The following CDK14 variants were observed in gnomAD, a reference collection of about 807,000 sequenced individuals.
The protein encoded by CDK14 is cyclin dependent kinase 14, also known as cyclin-dependent kinase 14.
Under a neutral mutation model 60.7 loss-of-function variants are expected in CDK14, and 34 were observed. The observed-to-expected ratio is 0.56, with a 90% CI of 0.43 to 0.75. CDK14 has a LOEUF of 0.75. Ranked by LOEUF, CDK14 falls within the 30% of genes least tolerant of loss-of-function variation. The pLI is 0.00. For missense variants in CDK14, 482 were observed against 564.1 expected (o/e 0.85, Z 1.47); for synonymous variants, 197 against 203.7 (o/e 0.97, Z 0.28).
At chr7:90,965,476 A>T (rs1794727910) in intron 9 of CDK14, among the ~76,000 whole-genome samples, 1 of 152,216 alleles carries the variant, frequency 6.6e-6, no homozygotes. Context: ...GTAGACACTA[A>T]TAACACTTAG....
intron 14 of CDK14, among the ~76,000 whole-genome samples, chr7:91,145,207 C>T (rs570320916): frequency 6.6e-6 from 1 of 152,288 alleles, no homozygotes; most frequent in South Asian, 2.1e-4. Flanking sequence ...ATATTGATAA[C>T]CAATGTATGT....
intron 4 of CDK14, among the ~76,000 whole-genome samples, chr7:90,755,002 A>G (rs1290605913): frequency 1.3e-5 from 2 of 152,212 alleles, no homozygotes; most frequent in African/African-American, 4.8e-5. Context: ...GAACGCTTAT[A>G]CACTGCTGGT....
chr7:90,923,962 A>C (rs13227857), intron 8 of CDK14, among the ~76,000 whole-genome samples: 1,716 of 152,380 alleles, frequency 0.011, 19 homozygotes, highest in South Asian at 0.044. Flanking sequence ...AGTAACACTG[A>C]AATGAATCAC....
At chr7:90,906,744 C>A (rs892230722) in intron 7 of CDK14, among the ~76,000 whole-genome samples, 2 of 151,776 alleles carry the variant, frequency 1.3e-5, no homozygotes, top group Admixed American at 6.6e-5. Flanking sequence ...GGTAATGTAT[C>A]CTGGAAGAAT....
At chr7:90,944,312 TCTGCCAAAGGAAC>T (rs977704184) in intron 8 of CDK14, among the ~76,000 whole-genome samples, 1 of 152,174 alleles carries the variant, frequency 6.6e-6, no homozygotes, top group African/African-American at 2.4e-5. Context: ...ACAAGTGCGA[TCTGCCAAAGGAAC>T]CTCTGCTTCA....
At chr7:90,830,807 C>T (rs1425409670) in intron 5 of CDK14, among the ~76,000 whole-genome samples, 3 of 152,194 alleles carry the variant, frequency 2.0e-5, no homozygotes, top group Non-Finnish European at 4.4e-5. Context: ...TATCCTAATT[C>T]ATCTTTCTCA....
intron 8 of CDK14, among the ~76,000 whole-genome samples, chr7:90,920,974 C>G (rs1402025548): frequency 6.6e-6 from 1 of 151,962 alleles, no homozygotes. Flanking sequence ...GTATTTAAAC[C>G]CTTACCTGAG....
In CDK14 at chr7:90,875,528, C is replaced by CT. The variant is rs369561897; in HGVS notation, c.639+12269dup. 7.4e-4 allele frequency among the ~76,000 whole-genome samples: 109 copies of CT among 147,176 alleles called. No homozygotes were observed. The Middle Eastern group carries it at 0.014, about 19-fold the overall frequency. ...CTTGGCAACACTTGTTATTTTCTGC[C>CT]TTTTTTTTTTATTATATTGGATGTT... is the stretch of plus-strand genomic sequence containing the variant. On this transcript the variant is annotated intron_variant, in intron 6 of 14. Coordinates refer to ENST00000380050, the MANE Select transcript of CDK14 (RefSeq NM_001287135.2).
At chr7:90,856,878 G>A (rs570705619) in intron 5 of CDK14, among the ~76,000 whole-genome samples, 1 of 152,200 alleles carries the variant, frequency 6.6e-6, no homozygotes, top group South Asian at 2.1e-4. Context: ...GGTTTCATGA[G>A]TAGTCATTCT....
At chr7:90,753,840 T>C (rs1287825845) in intron 4 of CDK14, among the ~76,000 whole-genome samples, 4 of 152,138 alleles carry the variant, frequency 2.6e-5, no homozygotes, top group South Asian at 4.1e-4. Flanking sequence ...CCAGCAGCAT[T>C]CAAGCTGAGA....
chr7:90,710,452 A>G, intron 2 of CDK14: 3 of 985,070 alleles, frequency 3.0e-6, no homozygotes, highest in Non-Finnish European at 3.6e-6. Context: ...TGAGTAGAAT[A>G]AATATCTCTA....
chr7:91,051,276 G>T (rs1187313806), intron 11 of CDK14, among the ~76,000 whole-genome samples: 1 of 152,120 alleles, frequency 6.6e-6, no homozygotes, highest in African/African-American at 2.4e-5. Context: ...CAACATTGGG[G>T]ATCACATTTC....
At chr7:90,990,471 C>T (rs1468670101) in intron 10 of CDK14, among the ~76,000 whole-genome samples, 1 of 151,994 alleles carries the variant, frequency 6.6e-6, no homozygotes, top group Non-Finnish European at 1.5e-5. Context: ...GAACAAGTAC[C>T]TCTTAATTTG....
intron 7 of CDK14, among the ~76,000 whole-genome samples, chr7:90,911,392 G>C (rs1247186953): frequency 6.6e-6 from 1 of 152,126 alleles, no homozygotes; most frequent in East Asian, 1.9e-4. Context: ...TATCAACCAT[G>C]ACAAAAGAGT....
intron 6 of CDK14, among the ~76,000 whole-genome samples, chr7:90,870,229 A>G (rs1562805740): frequency 6.6e-6 from 1 of 152,154 alleles, no homozygotes; most frequent in Non-Finnish European, 1.5e-5. Context: ...TCCTTAGCAA[A>G]CTAACACAGG....
At chr7:90,778,908 C>T (rs1805177910) in intron 4 of CDK14, among the ~76,000 whole-genome samples, 2 of 142,966 alleles carry the variant, frequency 1.4e-5, no homozygotes, top group South Asian at 4.5e-4. Context: ...TCTTTTCTCT[C>T]TCCTCTCTCT....
chr7:90,802,133 C>T (rs932027572), intron 5 of CDK14, among the ~76,000 whole-genome samples: 3 of 152,088 alleles, frequency 2.0e-5, no homozygotes, highest in Non-Finnish European at 2.9e-5. Flanking sequence ...TTGTCAATAT[C>T]GCTGTTTGGA....
At chr7:90,994,083 AC>A (rs1795611856) in intron 10 of CDK14, among the ~76,000 whole-genome samples, 1 of 152,110 alleles carries the variant, frequency 6.6e-6, no homozygotes, top group Admixed American at 6.6e-5. Flanking sequence ...CCACCTCAAA[AC>A]CCCCTAGTTT....
chr7:90,801,882 C>T (rs894782926), intron 5 of CDK14, among the ~76,000 whole-genome samples: 5 of 152,138 alleles, frequency 3.3e-5, no homozygotes, highest in African/African-American at 1.2e-4. Context: ...TGCCTAGATA[C>T]TTCTTACCCC....
Sources: gnomAD v4.1 joint callset for allele counts (sites outside exome capture counted in the v4.1 genomes callset) on GRCh38, gnomAD v4.1.1 for gene constraint, MANE v1.5 for transcripts, NCBI Gene and HGNC (gene_info 2026-07-23, HGNC 2026-07-21) for gene names.